SLC24A2: variants seen among roughly 807,000 people sequenced by gnomAD.
The protein encoded by SLC24A2 is solute carrier family 24 member 2.
SLC24A2 carries 36 observed loss-of-function variants against 62.0 expected under a neutral mutation model. The observed-to-expected ratio is 0.58, with a 90% CI of 0.44 to 0.77. The LOEUF is 0.77. SLC24A2 is among the 30% of genes least tolerant of loss of function. SLC24A2 has a pLI of 0.00. For missense variants in SLC24A2, 846 were observed against 817.9 expected, an observed-to-expected ratio of 1.03 and a Z score of -0.42; for synonymous variants, 358 against 294.0, an observed-to-expected ratio of 1.22 and a Z score of -2.23.
At chr9:19,657,414 A>G (rs1400025388) in intron 2 of SLC24A2, among the ~76,000 whole-genome samples, 1 of 152,048 alleles carries the variant, frequency 6.6e-6, no homozygotes, top group Non-Finnish European at 1.5e-5. Flanking sequence ...CTTTTGGGAT[A>G]CATATGCAGA....
chr9:20,096,367 T>C, the SLC24A2 span, among the ~76,000 whole-genome samples: 22 of 152,320 alleles, frequency 1.4e-4, no homozygotes, highest in South Asian at 3.3e-3. Flanking sequence ...TCACTGATTA[T>C]TGATTTAGTC....
At chr9:20,093,004 A>G in the SLC24A2 span, among the ~76,000 whole-genome samples, 3 of 152,028 alleles carry the variant, frequency 2.0e-5, no homozygotes, top group Non-Finnish European at 4.4e-5. Flanking sequence ...CTGTTTAATG[A>G]TTTCTTATGT....
chr9:19,841,651 GC>G, the SLC24A2 span, among the ~76,000 whole-genome samples: 4 of 152,318 alleles, frequency 2.6e-5, no homozygotes, highest in East Asian at 5.8e-4. Flanking sequence ...TCACACTGAA[GC>G]TTTGTCAAGT....
the SLC24A2 span, chr9:19,967,412 T>C: frequency 6.6e-6 from 1 of 152,220 alleles, no homozygotes; most frequent in African/African-American, 2.4e-5. Flanking sequence ...TGTCTCTTAA[T>C]CTATGCCAGT....
At chr9:20,091,168 A>C in the SLC24A2 span, among the ~76,000 whole-genome samples, 7 of 152,170 alleles carry the variant, frequency 4.6e-5, no homozygotes, top group Admixed American at 4.6e-4. Context: ...AAAAAGAATA[A>C]GAAAGAATGA....
chr9:19,608,239 C>T (rs1354579925), intron 4 of SLC24A2, among the ~76,000 whole-genome samples: 3 of 152,100 alleles, frequency 2.0e-5, no homozygotes, highest in Non-Finnish European at 4.4e-5. Flanking sequence ...GACACCTTCT[C>T]CACTTTTTGG....
chr9:19,640,239 C>T (rs919735047), intron 2 of SLC24A2, among the ~76,000 whole-genome samples: 1 of 152,208 alleles, frequency 6.6e-6, no homozygotes, highest in African/African-American at 2.4e-5. Flanking sequence ...AAATGGCTCT[C>T]CTGCTGTTAT....
the SLC24A2 span, among the ~76,000 whole-genome samples, chr9:20,017,772 G>A: frequency 6.6e-6 from 1 of 152,150 alleles, no homozygotes; most frequent in African/African-American, 2.4e-5. Flanking sequence ...GAAAGATGGA[G>A]GCCAGAAGAC....
chr9:19,986,284 A>G, the SLC24A2 span, among the ~76,000 whole-genome samples: 2 of 152,150 alleles, frequency 1.3e-5, no homozygotes, highest in Admixed American at 1.3e-4. Flanking sequence ...GTATAAGTGA[A>G]AATGTGGAGA....
intron 2 of SLC24A2, among the ~76,000 whole-genome samples, chr9:19,673,715 G>A (rs1165673204): frequency 1.3e-5 from 2 of 152,206 alleles, no homozygotes; most frequent in Non-Finnish European, 2.9e-5. Context: ...CTCCCAAAAT[G>A]CTGGGATTAC....
At chr9:20,150,341 C>A in the SLC24A2 span, among the ~76,000 whole-genome samples, 1 of 151,914 alleles carries the variant, frequency 6.6e-6, no homozygotes, top group Admixed American at 6.6e-5. Context: ...ACTTGGCCAA[C>A]TGAAAATAGG....
At chr9:20,017,363 A>G in the SLC24A2 span, among the ~76,000 whole-genome samples, 15 of 151,720 alleles carry the variant, frequency 9.9e-5, no homozygotes, top group South Asian at 1.4e-3. Context: ...TATGCATATT[A>G]ATAATGATTC....
Position 19,508,969 on chromosome 9 carries a change from C to CA in SLC24A2, c.*7183dup, listed in dbSNP as rs2132597211. 6.6e-6 allele frequency: 1 copy of CA among 152,242 alleles called. No individual in the cohort carries two copies. The highest frequency in any genetic ancestry group is 1.9e-4 in the East Asian group (1 of 5,190). The allele number at this position is 152,242 out of a possible 1,614,324, so 9.4% of individuals were successfully genotyped here. A position where few individuals can be genotyped will look rare whatever the true frequency, so the allele number is the denominator to read the frequency against. Reference sequence around the variant, plus strand: ...AAGCATTATGAAATCTGCTGCTTTACATGTCCTCCCAAGGAAGGTTAGTAA... The same window carrying CA: ...AAGCATTATGAAATCTGCTGCTTTACAATGTCCTCCCAAGGAAGGTTAGTAA... On this transcript the variant is annotated 3_prime_UTR_variant, in exon 11 of 11. Transcript: ENST00000341998.
the SLC24A2 span, among the ~76,000 whole-genome samples, chr9:19,811,582 C>T: frequency 6.4e-4 from 98 of 152,244 alleles, no homozygotes; most frequent in African/African-American, 1.8e-3. Context: ...GTTGGGATTA[C>T]AGGCATCAGC....
At chr9:20,138,866 C>T in the SLC24A2 span, among the ~76,000 whole-genome samples, 5 of 152,300 alleles carry the variant, frequency 3.3e-5, no homozygotes, top group Middle Eastern at 3.4e-3. Flanking sequence ...GAAGTCATTT[C>T]GCTCCCAGGC....
chr9:19,823,635 A>G, the SLC24A2 span, among the ~76,000 whole-genome samples: 3 of 12,956 alleles, frequency 2.3e-4, no homozygotes, highest in Non-Finnish European at 8.0e-3. Flanking sequence ...CTCAAAAAAC[A>G]AAACAAAACA....
intron 4 of SLC24A2, among the ~76,000 whole-genome samples, chr9:19,611,047 C>T (rs750997932): frequency 6.6e-6 from 1 of 152,070 alleles, no homozygotes; most frequent in African/African-American, 2.4e-5. Flanking sequence ...AGTGAGAACT[C>T]GGATTCACTT....
chr9:20,079,741 T>C, the SLC24A2 span, among the ~76,000 whole-genome samples: 2 of 152,182 alleles, frequency 1.3e-5, no homozygotes, highest in African/African-American at 2.4e-5. Context: ...TGTCTGTTAG[T>C]GGTGTATAAG....
chr9:20,115,532 ATTG>A, the SLC24A2 span, among the ~76,000 whole-genome samples: 1 of 152,128 alleles, frequency 6.6e-6, no homozygotes, highest in East Asian at 1.9e-4. Flanking sequence ...ACTTTAGGGT[ATTG>A]TTTTCTGAGC....
Sources: gnomAD v4.1 joint callset for allele counts (sites outside exome capture counted in the v4.1 genomes callset) on GRCh38, gnomAD v4.1.1 for gene constraint, MANE v1.5 for transcripts, NCBI Gene and HGNC (gene_info 2026-07-23, HGNC 2026-07-21) for gene names.